RTN4: variants seen among roughly 807,000 people sequenced by gnomAD.
RTN4 encodes reticulon-4.
A neutral mutation model predicts 90.4 loss-of-function variants in RTN4; 32 were observed. The ratio of observed to expected loss-of-function variants is 0.35; its 90% confidence interval spans 0.27 to 0.48. The LOEUF (loss-of-function observed/expected upper bound fraction) is 0.48, where lower values mean the gene tolerates loss of function less well. RTN4 is among the 20% of genes least tolerant of loss of function. The pLI, the probability that RTN4 is intolerant of heterozygous loss-of-function variation, is 0.99. For missense variants in RTN4, 1,706 were observed against 1,430.2 expected (o/e 1.19, Z -3.11); for synonymous variants, 629 against 552.5 (o/e 1.14, Z -1.94).
rs1012905303 is a variant in RTN4, at chr2:54,983,368, G to A, written c.3222-715C>T. Among the ~76,000 whole-genome samples, 5 of 150,502 alleles carry A rather than the reference G, an allele frequency of 3.3e-5. No homozygotes were observed. In the East Asian group the frequency reaches 9.7e-4, roughly 29 times the overall value. ...ATAAATAAATAAAAATACTATACTG[G>A]GGAAAAAGTCAAGTCCACAGGAATG... On this transcript the variant is annotated intron_variant, in intron 4 of 8. Coordinates refer to ENST00000337526, the MANE Select transcript of RTN4 (RefSeq NM_020532.5).
intron 2 of RTN4, among the ~76,000 whole-genome samples, chr2:55,057,323 C>T (rs888747280): frequency 4.0e-5 from 6 of 149,546 alleles, no homozygotes; most frequent in Non-Finnish European, 7.4e-5. Flanking sequence ...TAGTAGGATT[C>T]GGAGGCATAG....
intron 1 of RTN4, among the ~76,000 whole-genome samples, chr2:55,039,555 G>GA (rs1165562822): frequency 1.3e-5 from 2 of 152,206 alleles, no homozygotes; most frequent in African/African-American, 4.8e-5. Context: ...CGAGGCAGGT[G>GA]AATCACCTGA....
At chr2:54,991,468 G>A (rs952004620) in intron 3 of RTN4, among the ~76,000 whole-genome samples, 4 of 152,218 alleles carry the variant, frequency 2.6e-5, no homozygotes, top group Non-Finnish European at 5.9e-5. Flanking sequence ...GCATGTACCA[G>A]CTCAGCAATT....
chr2:55,000,536 T>C (rs1014487666), intron 3 of RTN4, among the ~76,000 whole-genome samples: 2 of 152,160 alleles, frequency 1.3e-5, no homozygotes, highest in African/African-American at 4.8e-5. Flanking sequence ...TTTTGTAATC[T>C]CCCAGTCTGA....
intron 1 of RTN4, among the ~76,000 whole-genome samples, chr2:55,104,209 C>T (rs1016604346): frequency 6.6e-6 from 1 of 151,122 alleles, no homozygotes; most frequent in African/African-American, 2.4e-5. Flanking sequence ...CACCACCACA[C>T]ACGGCTAATC....
upstream of RTN4, among the ~76,000 whole-genome samples, chr2:55,051,551 C>A (rs1431512233): frequency 1.3e-5 from 2 of 152,154 alleles, no homozygotes; most frequent in African/African-American, 4.8e-5. Flanking sequence ...TTCTGATTTA[C>A]CTTTCAAAAA....
intron 2 of RTN4, among the ~76,000 whole-genome samples, chr2:55,076,659 G>C (rs888625977): frequency 6.6e-6 from 1 of 152,012 alleles, no homozygotes; most frequent in Non-Finnish European, 1.5e-5. Context: ...CTCCCAAAGT[G>C]CTGGGATTAC....
At chr2:55,114,036 T>C (rs1668081594), upstream of RTN4, among the ~76,000 whole-genome samples, 1 of 152,238 alleles carries the variant, frequency 6.6e-6, no homozygotes, top group African/African-American at 2.4e-5. Flanking sequence ...TTTCAAAACT[T>C]GATTTTCTTT....
In RTN4 at chr2:55,026,823, C is replaced by G; in HGVS notation, c.1276G>C (p.Ala426Pro). The G allele has an allele frequency of 6.2e-7, 1 of 1,613,936 alleles. No individual in the cohort carries two copies. Among genetic ancestry groups the G allele is most frequent in the Non-Finnish European group, 8.5e-7 (1 of 1,179,908 alleles). ...LESKVDKKCF[A>P]DSLEQTNHEK... ...TGATTAGTTTGCTCAAGGCTATCTG[C>G]AAAACATTTTTTATCCACTTTACTT... Residue 426 changes from alanine (A) to proline (P), a missense_variant, in exon 3 of 9, where the codon GCA becomes CCA. Physicochemically the swap from Ala to Pro is conservative, Grantham distance 27. Transcript: ENST00000337526.
intron 3 of RTN4, among the ~76,000 whole-genome samples, chr2:54,988,265 C>T (rs1678730697): frequency 6.6e-6 from 1 of 152,096 alleles, no homozygotes; most frequent in Non-Finnish European, 1.5e-5. Context: ...TGCAGTGAGC[C>T]GAGACTGCAC....
intron 2 of RTN4, among the ~76,000 whole-genome samples, chr2:55,071,370 T>C (rs578104561): frequency 6.6e-6 from 1 of 151,978 alleles, no homozygotes; most frequent in Non-Finnish European, 1.5e-5. Flanking sequence ...CGAAAGGAGA[T>C]GGAAAAGTGC....
chr2:55,077,575 A>G (rs1279489071), intron 2 of RTN4, among the ~76,000 whole-genome samples: 1 of 152,164 alleles, frequency 6.6e-6, no homozygotes, highest in East Asian at 1.9e-4. Flanking sequence ...TTAAAGAACT[A>G]AAAGTAGATC....
intron 1 of RTN4, among the ~76,000 whole-genome samples, chr2:55,043,732 A>C (rs1439331139): frequency 6.6e-6 from 1 of 152,078 alleles, no homozygotes; most frequent in East Asian, 1.9e-4. Flanking sequence ...CTAAGAATAC[A>C]AAAATTAGCC....
intron 1 of RTN4, among the ~76,000 whole-genome samples, chr2:55,107,038 G>A (rs925480295): frequency 2.0e-5 from 3 of 152,080 alleles, no homozygotes; most frequent in African/African-American, 4.8e-5. Flanking sequence ...CAGTGTAGCT[G>A]TAACTTTCTG....
At chr2:54,981,630 G>A (rs1034003583) in intron 5 of RTN4, among the ~76,000 whole-genome samples, 5 of 152,162 alleles carry the variant, frequency 3.3e-5, no homozygotes, top group African/African-American at 9.7e-5. Flanking sequence ...TGCCTGTTTC[G>A]TCAGTCAGAA....
chr2:55,018,646 A>G (rs1681211180), intron 3 of RTN4, among the ~76,000 whole-genome samples: 1 of 152,154 alleles, frequency 6.6e-6, no homozygotes, highest in Non-Finnish European at 1.5e-5. Context: ...TCTCACTATA[A>G]AAGAAGAGAC....
At chr2:55,066,088 T>C (rs1002703244) in intron 2 of RTN4, among the ~76,000 whole-genome samples, 2 of 152,142 alleles carry the variant, frequency 1.3e-5, no homozygotes, top group Admixed American at 1.3e-4. Flanking sequence ...AGAATAGAAC[T>C]ACATGAATTG....
rs1677283782 is a variant in RTN4 at position 54,973,276 on chromosome 2, A to G, written c.3537-78T>C. On this transcript the variant is annotated intron_variant, in intron 8 of 8. Transcript: ENST00000337526. Reference sequence around the variant, plus strand: ...ATACCATCTTCCAAGAACTACTTGTATGTTATTCAGCTAATACAATAAATG... The same window carrying G: ...ATACCATCTTCCAAGAACTACTTGTGTGTTATTCAGCTAATACAATAAATG... The G allele has an allele frequency of 4.8e-6, 6 of 1,243,066 alleles. No individual in the cohort carries two copies. In the Admixed American group the frequency reaches 5.7e-5, roughly 12 times the overall value. 77.0% of individuals were successfully genotyped at this position (1,243,066 alleles called of 1,614,324 possible).
At chr2:55,132,397 G>A in the RTN4 span, among the ~76,000 whole-genome samples, 8 of 151,884 alleles carry the variant, frequency 5.3e-5, no homozygotes, top group Non-Finnish European at 1.0e-4. Flanking sequence ...CAGGTACTCT[G>A]GAGTCTGAGG....
Sources: allele counts gnomAD v4.1 joint callset (sites outside exome capture counted in the v4.1 genomes callset), GRCh38; gene constraint gnomAD v4.1.1; transcripts MANE v1.5; gene names NCBI Gene and HGNC (gene_info 2026-07-23, HGNC 2026-07-21).